ZNF649: variants seen among roughly 807,000 people sequenced by gnomAD.
ZNF649 encodes zinc finger protein 649.
Under a neutral mutation model 14.1 loss-of-function variants are expected in ZNF649, and 7 were observed. The observed-to-expected ratio is 0.49, with a 90% CI of 0.28 to 0.93. The LOEUF is 0.93. Ranked by LOEUF, ZNF649 falls within the 40% of genes least tolerant of loss-of-function variation. ZNF649 has a pLI of 0.10. For missense variants in ZNF649, 544 were observed against 608.1 expected (o/e 0.89, Z 1.11); for synonymous variants, 227 against 212.3 (o/e 1.07, Z -0.60).
chr19:51,892,010 A>T lies in ZNF649; in HGVS notation c.239-113T>A, dbSNP rs745991231. ...TGGAACCCCTATAATACCAACATGG[A>T]AGGAATTCCAAGTATAAGTGTTCCC... On this transcript the variant is annotated intron_variant, in intron 4 of 4. Coordinates refer to ENST00000354957, the MANE Select transcript of ZNF649 (RefSeq NM_023074.4). 5.2e-5 allele frequency: 62 copies of T among 1,182,888 alleles called. 1 individual carries two copies. The highest frequency in any genetic ancestry group is 6.9e-5 in the Non-Finnish European group (60 of 873,542). 73.3% of individuals were successfully genotyped at this position (1,182,888 alleles called of 1,614,324 possible).
intron 1 of ZNF649, among the ~76,000 whole-genome samples, chr19:51,902,126 C>T (rs938388058): frequency 6.6e-6 from 1 of 152,162 alleles, no homozygotes; most frequent in Non-Finnish European, 1.5e-5. Flanking sequence ...AAATCAGGCC[C>T]TCACCAGACA....
chr19:51,891,687 AT>A lies in ZNF649; in HGVS notation c.448del (p.Ile150LeufsTer25). Reference sequence around the variant, plus strand: ...GGGTTTTCTACTTTCAGGGAATTCAATTTCCGTAGGCATTTGTTCATGATTA... The same window carrying A: ...GGGTTTTCTACTTTCAGGGAATTCAATTCCGTAGGCATTTGTTCATGATTA... ...HDNHEQMPTE[I>X]EFPESRKPIS... On this transcript the variant is annotated frameshift_variant, in exon 5 of 5. Transcript: ENST00000354957. LOFTEE classifies it low-confidence loss of function (END_TRUNC). The surrounding 1 kb of genome is among the most constrained non-coding windows in gnomAD (Gnocchi z 4.2). The A allele has an allele frequency of 1.9e-6, 3 of 1,613,588 alleles. No homozygotes were observed. Among genetic ancestry groups the A allele is most frequent in the Non-Finnish European group, 1.7e-6 (2 of 1,179,902 alleles).
chr19:51,897,131 C>A (rs73065050), intron 2 of ZNF649, 153 bp from the exon 3 acceptor site: 1 of 1,021,608 alleles, frequency 9.8e-7, no homozygotes, highest in Non-Finnish European at 1.4e-6. Context: ...CCACATATAC[C>A]GAAATTGTGC....
chr19:51,891,885 G>C lies in ZNF649; in HGVS notation c.251C>G (p.Ala84Gly). The stretch of plus-strand genomic sequence containing the variant: ...CAAGGGCTGCTGCAGATGATCATCA[G>C]CTTTCTCAATTTCTAAGAGAGAGAA... ...HSPAHPEIEK[A>G]DDHLQQPLQN... The change falls in exon 5 of 5, where the codon GCT (alanine) becomes GGT (glycine). Residue 84 changes from alanine (A) to glycine (G), a missense_variant. Physicochemically the swap from Ala to Gly is moderately conservative, Grantham distance 60. Coordinates refer to ENST00000354957, the MANE Select transcript of ZNF649 (RefSeq NM_023074.4). This position sits in a 1 kb window ranked among gnomAD's most constrained non-coding sequence, Gnocchi z 4.2. 2 of 1,559,954 alleles carry C rather than the reference G, an allele frequency of 1.3e-6. No individual in the cohort carries two copies. Among genetic ancestry groups the C allele is most frequent in the Non-Finnish European group, 1.7e-6 (2 of 1,160,262 alleles).
Position 51,896,501 on chromosome 19 carries a change from T to C in ZNF649, c.209A>G (p.Glu70Gly). Reference sequence around the variant, plus strand: ...GTGGGCTGGACTGTGGATTTCATCTTCTAGTGTCCATAGTGGTTCTCCTTG... The same window carrying C: ...GTGGGCTGGACTGTGGATTTCATCTCCTAGTGTCCATAGTGGTTCTCCTTG... ...LEQGEPLWTL[E>G]DEIHSPAHPE... Residue 70 changes from glutamate (E) to glycine (G), a missense_variant, in exon 4 of 5, where the codon GAA (glutamate) becomes GGA (glycine). By Grantham distance (98) the Glu-to-Gly change is moderately conservative. Coordinates refer to ENST00000354957, the MANE Select transcript of ZNF649 (RefSeq NM_023074.4). The C allele has an allele frequency of 2.5e-6, 4 of 1,614,122 alleles. No individual in the cohort carries two copies. The highest frequency in any genetic ancestry group is 3.4e-6 in the Non-Finnish European group (4 of 1,179,982).
intron 1 of ZNF649, among the ~76,000 whole-genome samples, chr19:51,902,886 T>C (rs2085102727): frequency 6.6e-6 from 1 of 152,192 alleles, no homozygotes; most frequent in African/African-American, 2.4e-5. Context: ...CAGAATGCTA[T>C]AAGTAGAATG....
Position 51,896,945 on chromosome 19 carries a change from A to C in ZNF649, c.49T>G (p.Phe17Val), listed in dbSNP as rs1568456339. The C allele has an allele frequency of 6.2e-7, 1 of 1,614,218 alleles. No homozygotes were observed. Among genetic ancestry groups the C allele is most frequent in the Non-Finnish European group, 8.5e-7 (1 of 1,180,032 alleles). ...AGGAACTGCCACTCCTCCCAGGTGA[A>C]GTCCACAGCCACATCCTCCAGGGTC... ...SLTLEDVAVDFTWEEWQFLSP... is the reference protein window; with the variant it reads ...SLTLEDVAVDVTWEEWQFLSP... Residue 17 changes from phenylalanine (F) to valine (V), a missense_variant, in exon 3 of 5, where the codon TTC becomes GTC. By Grantham distance (50) the Phe-to-Val change is conservative. Transcript: ENST00000354957.
intron 3 of ZNF649, 53 bp from the exon 4 acceptor site, chr19:51,896,620 CTCTGATGAT>C (rs1246238408): frequency 8.2e-6 from 13 of 1,584,818 alleles, no homozygotes; most frequent in African/African-American, 6.7e-5. Flanking sequence ...CACCACGTGG[CTCTGATGAT>C]AGGAGAAAGG....
chr19:51,895,991 G>C (rs763335168), intron 4 of ZNF649: 1 of 158,184 alleles, frequency 6.3e-6, no homozygotes, highest in Non-Finnish European at 1.4e-5. Context: ...ATCTGATGCC[G>C]TATCAGGTAG....
In ZNF649 at chr19:51,904,998, C is replaced by G. The variant is rs1309819957; in HGVS notation, c.-272G>C. The G allele has an allele frequency of 6.6e-6, 1 of 152,158 alleles. No individual in the cohort carries two copies. The highest frequency in any genetic ancestry group is 1.5e-5 in the Non-Finnish European group (1 of 68,064). The allele number at this position is 152,158 out of a possible 1,614,324, so 9.4% of individuals were successfully genotyped here. ...CCCGGCACTGGCCTATGGCGGCGGA[C>G]GAGGGCGCGAGTCAATTCTGCCGCG... On this transcript the variant is annotated 5_prime_UTR_variant, in exon 1 of 5. Coordinates refer to ENST00000354957, the MANE Select transcript of ZNF649 (RefSeq NM_023074.4).
rs752045625 is a variant in ZNF649, at chr19:51,890,367, T to C, written c.*251A>G. 4.5e-5 allele frequency: 19 copies of C among 425,348 alleles called. No individual in the cohort carries two copies. Among genetic ancestry groups the C allele is most frequent in the Non-Finnish European group, 6.2e-5 (15 of 240,782 alleles). The allele number at this position is 425,348 out of a possible 1,614,324, so 26.3% of individuals were successfully genotyped here. A position where few individuals can be genotyped will look rare whatever the true frequency, so the allele number is the denominator to read the frequency against. ...ACCTTGGCCCCCGGAGTAAGAGATATCATTCTGAGGAACACCAAGTGGAAG... is the reference window on the plus strand; with the variant it reads ...ACCTTGGCCCCCGGAGTAAGAGATACCATTCTGAGGAACACCAAGTGGAAG... On this transcript the variant is annotated 3_prime_UTR_variant, in exon 5 of 5. Transcript: ENST00000354957.
intron 2 of ZNF649, among the ~76,000 whole-genome samples, chr19:51,898,012 C>T (rs1010817676): frequency 4.7e-5 from 7 of 148,342 alleles, no homozygotes; most frequent in South Asian, 2.2e-4. Context: ...GCATGAGAAT[C>T]GCTTGAACCC....
At chr19:51,899,341 T>C (rs1286624008) in intron 2 of ZNF649, among the ~76,000 whole-genome samples, 1 of 152,218 alleles carries the variant, frequency 6.6e-6, no homozygotes, top group Non-Finnish European at 1.5e-5. Context: ...AAGCAAACCC[T>C]GTGGATCTCA....
Position 51,891,296 on chromosome 19 carries a change from A to C in ZNF649, c.840T>G (p.His280Gln). Residue 280 changes from histidine to glutamine, a missense_variant, in exon 5 of 5, where the codon CAT (histidine) becomes CAG (glutamine). Coordinates refer to ENST00000354957, the MANE Select transcript of ZNF649 (RefSeq NM_023074.4). This position sits in a 1 kb window ranked among gnomAD's most constrained non-coding sequence, Gnocchi z 4.2. The stretch of plus-strand genomic sequence containing the variant: ...GCTTAATTCCCGTGTGAATCCTTTG[A>C]TGTTCAGTAAGCTCAGATTTCCTGG... Reference protein sequence around the residue: ...AFPRKSELTEHQRIHTGIKPH... With the variant: ...AFPRKSELTEQQRIHTGIKPH... 6.2e-7 allele frequency: 1 copy of C among 1,614,146 alleles called. No individual in the cohort carries two copies. The highest frequency in any genetic ancestry group is 8.5e-7 in the Non-Finnish European group (1 of 1,180,038).
chr19:51,900,062 C>T (rs1429624131), intron 2 of ZNF649, 31 bp downstream of exon 2: 12 of 1,478,110 alleles, frequency 8.1e-6, no homozygotes, highest in East Asian at 2.4e-5. Context: ...ATCAGGGAAT[C>T]GAGTTAAGAA....
intron 3 of ZNF649, 141 bp downstream of exon 3, chr19:51,896,711 T>TG: frequency 6.4e-7 from 1 of 1,568,538 alleles, no homozygotes; most frequent in South Asian, 1.1e-5. Flanking sequence ...AGGAAGATTA[T>TG]GCCTCTTCCT....
Position 51,890,745 on chromosome 19 carries a change from TCCA to T in ZNF649, c.1388_1390del (p.Val463del), listed in dbSNP as rs762670246. On this transcript the variant is annotated inframe_deletion, in exon 5 of 5. Transcript: ENST00000354957. ...GCTGTGACTTGCTGTGGAAGGATTT[TCCA>T]CCTTCACTGAATCCCCCCGTTTCTC... The T allele has an allele frequency of 8.1e-6, 13 of 1,614,142 alleles. No homozygotes were observed. Among genetic ancestry groups the T allele is most frequent in the Non-Finnish European group, 1.1e-5 (13 of 1,180,062 alleles).
rs1015139017 is a variant in ZNF649 at position 51,901,971 on chromosome 19, A to C, written c.-187-1677T>G. Among the ~76,000 whole-genome samples the C allele has an allele frequency of 1.4e-4, 21 of 148,172 alleles. 1 individual carries two copies. Among genetic ancestry groups the C allele is most frequent in the African/African-American group, 4.3e-4 (17 of 39,564 alleles). The stretch of plus-strand genomic sequence containing the variant: ...GTATCAAAAAAAAAAAAAAAAAAAA[A>C]CCTAAAGAAAGAAGAAATAATAATA... On this transcript the variant is annotated intron_variant, in intron 1 of 4. Coordinates refer to ENST00000354957, the MANE Select transcript of ZNF649 (RefSeq NM_023074.4).
chr19:51,892,631 CT>C (rs1320276754), intron 4 of ZNF649, among the ~76,000 whole-genome samples: 1 of 152,182 alleles, frequency 6.6e-6, no homozygotes, highest in African/African-American at 2.4e-5. Context: ...CAGCCTTTGA[CT>C]TCATCCTAAT....
Sources: gnomAD v4.1 joint callset for allele counts (sites outside exome capture counted in the v4.1 genomes callset) on GRCh38, gnomAD v4.1.1 for gene constraint, Gnocchi (gnomAD v3.1) non-coding constraint, MANE v1.5 for transcripts, NCBI Gene and HGNC (gene_info 2026-07-23, HGNC 2026-07-21) for gene names.